Variants in IGFL4 observed in about 807,000 individuals in gnomAD.
The protein encoded by IGFL4 is insulin growth factor-like family member 4.
Under a neutral mutation model 15.4 loss-of-function variants are expected in IGFL4, and 12 were observed. That is an observed-to-expected ratio of 0.78 (90% CI 0.50 to 1.26). IGFL4 has a LOEUF of 1.26. IGFL4 is among the 50% of genes most tolerant of loss of function. The probability of loss-of-function intolerance (pLI) is 0.00; values close to 1 mark genes in which losing one functional copy is unlikely to be tolerated. For synonymous variants in IGFL4, 54 were observed against 55.9 expected, an observed-to-expected ratio of 0.97 and a Z score of 0.16; for missense variants, 126 against 147.8, an observed-to-expected ratio of 0.85 and a Z score of 0.76.
At chr19:46,047,432 TGAA>T (rs35472935) in intron 2 of IGFL4, among the ~76,000 whole-genome samples, 58,966 of 151,652 alleles carry the variant, frequency 0.39, 13,334 homozygotes, top group Non-Finnish European at 0.52. Context: ...AAGCAATAAC[TGAA>T]GGAGATAGAA....
chr19:46,039,883 C>T lies in IGFL4; in HGVS notation c.*9G>A. On this transcript the variant is annotated 3_prime_UTR_variant, in exon 4 of 4. Transcript: ENST00000377697. ...AGAGTGATCTGTGACTCTGCTACCC[C>T]AGAACAGTCTAGATGAGGTCAGATC... 2 of 1,606,442 alleles carry T rather than the reference C, an allele frequency of 1.2e-6. No individual in the cohort carries two copies. Among genetic ancestry groups the T allele is most frequent in the South Asian group, 1.1e-5 (1 of 90,914 alleles).
chr19:46,065,103 C>T (rs1047259337), intron 1 of IGFL4, among the ~76,000 whole-genome samples: 1 of 152,148 alleles, frequency 6.6e-6, no homozygotes, highest in Admixed American at 6.5e-5. Context: ...TGATATATGT[C>T]TATTCAGATC....
chr19:46,054,974 G>T (rs1307811201), intron 2 of IGFL4, among the ~76,000 whole-genome samples: 1 of 152,120 alleles, frequency 6.6e-6, no homozygotes, highest in Non-Finnish European at 1.5e-5. Context: ...TATTTATAGG[G>T]CCACTTGAAG....
chr19:46,069,021 G>A (rs1237939844), intron 1 of IGFL4, among the ~76,000 whole-genome samples: 1 of 152,226 alleles, frequency 6.6e-6, no homozygotes, highest in Non-Finnish European at 1.5e-5. Context: ...GCAGTGCTGA[G>A]TTCTGGATCG....
At chr19:46,056,752 C>A (rs779692843) in intron 2 of IGFL4, among the ~76,000 whole-genome samples, 1 of 152,330 alleles carries the variant, frequency 6.6e-6, no homozygotes. Context: ...AGCTGGAATT[C>A]TTTTTACATC....
rs549404537 is a variant in IGFL4 at position 46,070,029 on chromosome 19, G to A, written c.-432+6991C>T. On this transcript the variant is annotated intron_variant, in intron 1 of 5. Coordinates refer to the IGFL4 transcript ENST00000601672. ...CAGGAAGGTTAGGAGGGTAACGCTTGTTTTGTTCACTAAGCTGGGTGGACT... is the reference window on the plus strand; with the variant it reads ...CAGGAAGGTTAGGAGGGTAACGCTTATTTTGTTCACTAAGCTGGGTGGACT... 2.0e-5 allele frequency among the ~76,000 whole-genome samples: 3 copies of A among 152,202 alleles called. No individual in the cohort carries two copies. The East Asian group carries it at 5.8e-4, about 29-fold the overall frequency.
chr19:46,062,067 G>A (rs1282594847), intron 1 of IGFL4, among the ~76,000 whole-genome samples: 2 of 152,082 alleles, frequency 1.3e-5, no homozygotes, highest in Non-Finnish European at 2.9e-5. Flanking sequence ...CCCAAAACGT[G>A]GTCTGTAGCA....
chr19:46,046,574 G>A (rs1265510350), intron 2 of IGFL4, among the ~76,000 whole-genome samples: 1 of 152,084 alleles, frequency 6.6e-6, no homozygotes, highest in African/African-American at 2.4e-5. Context: ...ATTTATCAAG[G>A]AAATGGAAAA....
Position 46,040,950 on chromosome 19 carries a change from T to C in IGFL4, c.13A>G (p.Ile5Val). 4 of 1,590,920 alleles carry C rather than the reference T, an allele frequency of 2.5e-6. No individual in the cohort carries two copies. Among genetic ancestry groups the C allele is most frequent in the Non-Finnish European group, 2.6e-6 (3 of 1,170,568 alleles). ...AGGGCTGGGGTCTCCTTACCAGAAA[T>C]TCTGGGCACCATGGGTTAGGCTTCA... MVPR[I>V]SAAIFIFELL... Residue 5 changes from isoleucine (I) to valine (V), a missense_variant, in exon 1 of 4, where the codon ATT becomes GTT. Coordinates refer to ENST00000377697, the MANE Select transcript of IGFL4 (RefSeq NM_001002923.3). The surrounding 1 kb of genome is among the most constrained non-coding windows in gnomAD (Gnocchi z 4.1).
chr19:46,047,343 T>C (rs1476510073), intron 2 of IGFL4, among the ~76,000 whole-genome samples: 1 of 151,974 alleles, frequency 6.6e-6, no homozygotes, highest in African/African-American at 2.4e-5. Flanking sequence ...CTAAAAGAAC[T>C]AGAGAACCAA....
chr19:46,040,650 C>T lies in IGFL4; in HGVS notation c.20-82G>A. On this transcript the variant is annotated intron_variant, in intron 1 of 3. Transcript: ENST00000377697. The surrounding 1 kb of genome is among the most constrained non-coding windows in gnomAD (Gnocchi z 4.1). ...GGCACAGGATGATGTCTCTGAGCTT[C>T]TCTGGTTGCTGTTAACAGCTCAGAG... 6.7e-7 allele frequency: 1 copy of T among 1,488,300 alleles called. No homozygotes were observed. The highest frequency in any genetic ancestry group is 9.3e-7 in the Non-Finnish European group (1 of 1,073,126). 92.2% of individuals were successfully genotyped at this position (1,488,300 alleles called of 1,614,324 possible).
intron 2 of IGFL4, among the ~76,000 whole-genome samples, chr19:46,052,304 C>T (rs575934062): frequency 2.2e-4 from 33 of 152,018 alleles, no homozygotes; most frequent in Non-Finnish European, 4.3e-4. Context: ...TCTCTCAGAC[C>T]ACAGTGGAAT....
At chr19:46,063,480 A>G (rs193071282) in intron 1 of IGFL4, among the ~76,000 whole-genome samples, 1 of 151,436 alleles carries the variant, frequency 6.6e-6, no homozygotes, top group East Asian at 2.0e-4. Context: ...CCTTTTATCA[A>G]CTCCCATTTG....
At chr19:46,060,068 C>T (rs1028636192) in intron 2 of IGFL4, 3 of 152,192 alleles carry the variant, frequency 2.0e-5, no homozygotes, top group African/African-American at 7.2e-5. Context: ...ACATACCATT[C>T]CAATCAAAGC....
chr19:46,051,921 C>A (rs1969348372), intron 2 of IGFL4, among the ~76,000 whole-genome samples: 1 of 152,072 alleles, frequency 6.6e-6, no homozygotes, highest in African/African-American at 2.4e-5. Context: ...AAGAACTAGT[C>A]TAACAAAAAA....
At chr19:46,057,830 C>A (rs1969407425) in intron 2 of IGFL4, 1 of 152,152 alleles carries the variant, frequency 6.6e-6, no homozygotes, top group South Asian at 2.1e-4. Context: ...ATAAAACCAT[C>A]AGAACTCTTG....
chr19:46,041,399 C>A (rs1022792768), upstream of IGFL4, among the ~76,000 whole-genome samples: 6 of 152,206 alleles, frequency 3.9e-5, no homozygotes, highest in African/African-American at 4.8e-5. Context: ...AGTCCCTCTA[C>A]TCCCCGTCTC....
chr19:46,057,448 C>T (rs939375140), intron 2 of IGFL4, among the ~76,000 whole-genome samples: 2 of 152,020 alleles, frequency 1.3e-5, no homozygotes, highest in Non-Finnish European at 2.9e-5. Context: ...TTTAGTTCCC[C>T]ATAAATCAGC....
Position 46,039,696 on chromosome 19 carries a change from C to T in IGFL4, c.*196G>A, listed in dbSNP as rs972598989. On this transcript the variant is annotated 3_prime_UTR_variant, in exon 4 of 4. Coordinates refer to ENST00000377697, the MANE Select transcript of IGFL4 (RefSeq NM_001002923.3). ...ACTCATGATTTGGCTCTCTGTTTGT[C>T]TGTTGTTGGTGTATAAGAATGCTTG... 62 of 489,522 alleles carry T rather than the reference C, an allele frequency of 1.3e-4. No homozygotes were observed. Among genetic ancestry groups the T allele is most frequent in the Non-Finnish European group, 2.3e-4 (60 of 263,294 alleles). The allele number at this position is 489,522 out of a possible 1,614,324, so 30.3% of individuals were successfully genotyped here.
Sources: allele counts gnomAD v4.1 joint callset (sites outside exome capture counted in the v4.1 genomes callset), GRCh38; gene constraint gnomAD v4.1.1; non-coding constraint Gnocchi (gnomAD v3.1); transcripts MANE v1.5; gene names NCBI Gene and HGNC (gene_info 2026-07-23, HGNC 2026-07-21).